Variants in INPP5D observed in about 807,000 individuals in gnomAD.
INPP5D encodes inositol polyphosphate-5-phosphatase D.
Under a neutral mutation model 122.9 loss-of-function variants are expected in INPP5D, and 33 were observed. That is an observed-to-expected ratio of 0.27 (90% CI 0.20 to 0.36). The LOEUF is 0.36. Among genes scored for constraint, INPP5D ranks in the 10% least tolerant of loss-of-function variants. The probability of loss-of-function intolerance (pLI) is 1.00; values close to 1 mark genes in which losing one functional copy is unlikely to be tolerated. For synonymous variants in INPP5D, 584 were observed against 576.2 expected, an observed-to-expected ratio of 1.01 and a Z score of -0.19; for missense variants, 1,053 against 1,412.7, an observed-to-expected ratio of 0.75 and a Z score of 4.08.
chr2:233,084,911 G>A (rs910544444), intron 2 of INPP5D, among the ~76,000 whole-genome samples: 1 of 152,218 alleles, frequency 6.6e-6, no homozygotes, highest in Non-Finnish European at 1.5e-5. Context: ...CTAGAAGCCT[G>A]CATTTTGAAT....
intron 2 of INPP5D, among the ~76,000 whole-genome samples, chr2:233,093,571 T>C (rs1204843221): frequency 6.6e-6 from 1 of 150,840 alleles, no homozygotes; most frequent in Non-Finnish European, 1.5e-5. Flanking sequence ...TCCCAGCTAC[T>C]CAGGAGGCTA....
In INPP5D at chr2:233,198,239, G is replaced by C. The variant is rs756807247; in HGVS notation, c.2838G>C (p.Gln946His). 1 of 1,613,590 alleles carries C rather than the reference G, an allele frequency of 6.2e-7. No homozygotes were observed. Among genetic ancestry groups the C allele is most frequent in the Non-Finnish European group, 8.5e-7 (1 of 1,179,888 alleles). The change falls in exon 25 of 27, where the codon CAG becomes CAC. Residue 946 changes from glutamine to histidine, a missense_variant. Gln to His is a conservative substitution (Grantham distance 24). Transcript: ENST00000445964. ...AGCCCACAGCCTGGAGCTACGACCAGCCGCCCAAGGACTCCCCGCTGGGGC... is the reference window on the plus strand; with the variant it reads ...AGCCCACAGCCTGGAGCTACGACCACCCGCCCAAGGACTCCCCGCTGGGGC... ...DQQPTAWSYD[Q>H]PPKDSPLGPC...
intron 2 of INPP5D, among the ~76,000 whole-genome samples, chr2:233,119,459 G>T (rs569131669): frequency 5.6e-4 from 85 of 152,214 alleles, no homozygotes; most frequent in African/African-American, 1.9e-3. Context: ...CTTTTTAGAG[G>T]CCTGGCTGCT....
intron 7 of INPP5D, 28 bp downstream of exon 7, chr2:233,146,270 T>G: frequency 1.4e-6 from 1 of 704,296 alleles, no homozygotes; most frequent in Non-Finnish European, 2.6e-6. Context: ...GCGGCTTCTC[T>G]TGGTCTCCTC....
chr2:233,117,411 G>A (rs1341539141), intron 2 of INPP5D, among the ~76,000 whole-genome samples: 1 of 152,170 alleles, frequency 6.6e-6, no homozygotes, highest in Non-Finnish European at 1.5e-5. Context: ...CCTGCCCCCT[G>A]CTTTCTCATT....
chr2:233,083,508 A>C (rs1691745663), intron 2 of INPP5D, among the ~76,000 whole-genome samples: 1 of 152,184 alleles, frequency 6.6e-6, no homozygotes, highest in South Asian at 2.1e-4. Context: ...GTGAGGCCAG[A>C]CGAAGGCAGA....
rs1692457114 is a variant in INPP5D, at chr2:233,105,960, A to G, written c.199-16147A>G. 6.6e-6 allele frequency among the ~76,000 whole-genome samples: 1 copy of G among 152,156 alleles called. No individual in the cohort carries two copies. ...GTCGCTATGGGAATGAGCATGTGGA[A>G]CTTGACGATTTGTCCCTATTGGCAG... On this transcript the variant is annotated intron_variant, in intron 2 of 26. Transcript: ENST00000445964. The surrounding 1 kb of genome is among the most constrained non-coding windows in gnomAD (Gnocchi z 4.0).
rs147997267 is a variant in INPP5D at position 233,134,073 on chromosome 2, A to C, written c.665+3425A>C. On this transcript the variant is annotated intron_variant, in intron 5 of 26. Transcript: ENST00000445964. ...TTGGATGTGGGGTGAAGGGAAGATG[A>C]ATCTAGGGTGACCCCTGGGTTCCCA... 3.1e-3 allele frequency: 1,411 copies of C among 454,134 alleles called. 24 individuals carry two copies. Among genetic ancestry groups the C allele is most frequent in the African/African-American group, 0.026 (1,278 of 49,998 alleles). 28.1% of individuals were successfully genotyped at this position (454,134 alleles called of 1,614,324 possible).
intron 2 of INPP5D, among the ~76,000 whole-genome samples, chr2:233,092,373 G>A (rs1364175016): frequency 6.6e-6 from 1 of 151,826 alleles, no homozygotes; most frequent in African/African-American, 2.4e-5. Context: ...TCAGGGATAT[G>A]TAATTAAGGA....
intron 10 of INPP5D, 48 bp downstream of exon 10, chr2:233,158,467 C>A: frequency 1.5e-6 from 1 of 675,360 alleles, no homozygotes; most frequent in Non-Finnish European, 2.7e-6. Context: ...AGGGAGGGGA[C>A]ACAAGCGTTT....
Position 233,164,419 on chromosome 2 carries a change from C to A in INPP5D, c.1550C>A (p.Thr517Lys). 1 of 1,549,808 alleles carries A rather than the reference C, an allele frequency of 6.5e-7. No individual in the cohort carries two copies. The highest frequency in any genetic ancestry group is 8.7e-7 in the Non-Finnish European group (1 of 1,145,720). The change falls in exon 13 of 27, where the codon ACA (threonine) becomes AAA (lysine). Residue 517 changes from threonine (T) to lysine (K), a missense_variant. Thr to Lys is a moderately conservative substitution (Grantham distance 78). Around this residue, in one of 6 missense-constraint regions of INPP5D, gnomAD observed 3 missense variants for 25.8 expected, o/e 0.12. Transcript: ENST00000445964. The surrounding 1 kb of genome is among the most constrained non-coding windows in gnomAD (Gnocchi z 4.3). ...AACGTGAAGACAGGCATTGCAAACA[C>A]ACTGGGTGAGCAGGGCGGGGACCCT... ...TDNVKTGIANTLGNKGAVGVS... is the reference protein window; with the variant it reads ...TDNVKTGIANKLGNKGAVGVS...
Position 233,188,421 on chromosome 2 carries a change from C to T in INPP5D, c.2359-1429C>T, listed in dbSNP as rs373596768. Among the ~76,000 whole-genome samples the T allele has an allele frequency of 2.7e-4, 41 of 152,316 alleles. 1 individual carries two copies. Among genetic ancestry groups the T allele is most frequent in the Admixed American group, 1.8e-3 (27 of 15,298 alleles). On this transcript the variant is annotated intron_variant, in intron 21 of 26. Transcript: ENST00000445964. The surrounding 1 kb of genome is among the most constrained non-coding windows in gnomAD (Gnocchi z 4.7). ...TCCATCCCAGGGAGGACCGGGTCTTCCTCCAGCATCCAAGAACCCCAGCTC... is the reference window on the plus strand; with the variant it reads ...TCCATCCCAGGGAGGACCGGGTCTTTCTCCAGCATCCAAGAACCCCAGCTC...
chr2:233,204,010 A>G (rs1451082365), intron 25 of INPP5D, 116 bp from the exon 26 acceptor site: 9 of 1,409,088 alleles, frequency 6.4e-6, no homozygotes, highest in East Asian at 2.7e-5. Context: ...ACATGTCTCT[A>G]TCTAGTTCAG....
At chr2:233,187,183 CTT>C (rs1290109550) in intron 21 of INPP5D, among the ~76,000 whole-genome samples, 1 of 149,656 alleles carries the variant, frequency 6.7e-6, no homozygotes. Flanking sequence ...GACGCTGTCT[CTT>C]TTTTTGTTCA....
At chr2:233,146,781 G>GA (rs372089347) in intron 8 of INPP5D, among the ~76,000 whole-genome samples, 1 of 151,784 alleles carries the variant, frequency 6.6e-6, no homozygotes, top group African/African-American at 2.4e-5. Flanking sequence ...GGGGAATTCA[G>GA]AAAAAAAATC....
At chr2:233,093,380 C>G (rs1307416381) in intron 2 of INPP5D, among the ~76,000 whole-genome samples, 2 of 152,114 alleles carry the variant, frequency 1.3e-5, no homozygotes, top group Non-Finnish European at 2.9e-5. Context: ...TAAAAATGGT[C>G]TTCAAGACTT....
Position 233,170,636 on chromosome 2 carries a change from G to A in INPP5D, c.1900+32G>A, listed in dbSNP as rs2106302778. 2 of 1,608,240 alleles carry A rather than the reference G, an allele frequency of 1.2e-6. No individual in the cohort carries two copies. Among genetic ancestry groups the A allele is most frequent in the Non-Finnish European group, 8.5e-7 (1 of 1,177,024 alleles). The stretch of plus-strand genomic sequence containing the variant: ...GCAGCAACCCCGGCTGGGAGCGGTG[G>A]CTCACACCTGTAATCCCAGCACTTT... On this transcript the variant is annotated intron_variant, in intron 16 of 26. Coordinates refer to ENST00000445964, the MANE Select transcript of INPP5D (RefSeq NM_001017915.3). The surrounding 1 kb of genome is among the most constrained non-coding windows in gnomAD (Gnocchi z 4.5).
rs1220606772 is a variant in INPP5D at position 233,062,452 on chromosome 2, C to T, written c.134+1840C>T. 3.3e-5 allele frequency among the ~76,000 whole-genome samples: 5 copies of T among 152,376 alleles called. No individual in the cohort carries two copies. The East Asian group carries it at 9.6e-4, about 29-fold the overall frequency. ...AGACAGAGGGCAGAGAGCCTGAGGCCTTTGTCCACCATGCTGGCTGGGGTC... is the reference window on the plus strand; with the variant it reads ...AGACAGAGGGCAGAGAGCCTGAGGCTTTTGTCCACCATGCTGGCTGGGGTC... On this transcript the variant is annotated intron_variant, in intron 1 of 26. Coordinates refer to ENST00000445964, the MANE Select transcript of INPP5D (RefSeq NM_001017915.3).
intron 2 of INPP5D, among the ~76,000 whole-genome samples, chr2:233,116,737 C>T (rs1431192121): frequency 6.6e-6 from 1 of 152,088 alleles, no homozygotes; most frequent in Non-Finnish European, 1.5e-5. Context: ...GCTGGGATTA[C>T]AGGCGCCTGC....
Sources: gnomAD v4.1 joint callset for allele counts (sites outside exome capture counted in the v4.1 genomes callset) on GRCh38, gnomAD v4.1.1 for gene constraint, gnomAD v4.1.1 regional missense constraint, Gnocchi (gnomAD v3.1) non-coding constraint, MANE v1.5 for transcripts, NCBI Gene and HGNC (gene_info 2026-07-23, HGNC 2026-07-21) for gene names.